GLP2R: variants seen among roughly 807,000 people sequenced by gnomAD.
The protein encoded by GLP2R is glucagon-like peptide 2 receptor.
A neutral mutation model predicts 68.2 loss-of-function variants in GLP2R; 59 were observed. That is an observed-to-expected ratio of 0.87 (90% CI 0.70 to 1.07). The LOEUF is 1.07. Among genes scored for constraint, GLP2R ranks in the 50% least tolerant of loss-of-function variants. GLP2R has a pLI of 0.00. For synonymous variants in GLP2R, 270 were observed against 265.4 expected, an observed-to-expected ratio of 1.02 and a Z score of -0.17; for missense variants, 548 against 677.4, an observed-to-expected ratio of 0.81 and a Z score of 2.12.
intron 9 of GLP2R, among the ~76,000 whole-genome samples, chr17:9,863,960 G>C (rs7220760): frequency 0.25 from 37,448 of 151,988 alleles, 7,098 homozygotes; most frequent in African/African-American, 0.51. Flanking sequence ...TAACCAGGTA[G>C]AACAAAGTAG....
intron 11 of GLP2R, among the ~76,000 whole-genome samples, chr17:9,887,388 C>T (rs1046348070): frequency 3.3e-5 from 5 of 152,104 alleles, no homozygotes; most frequent in African/African-American, 1.2e-4. Context: ...ATTAGTCGGG[C>T]GTGGTGGCGT....
intron 4 of GLP2R, among the ~76,000 whole-genome samples, chr17:9,847,132 C>T (rs1429329561): frequency 6.6e-6 from 1 of 152,194 alleles, no homozygotes; most frequent in Non-Finnish European, 1.5e-5. Flanking sequence ...TCTCCTCATG[C>T]AGATACAACA....
chr17:9,875,741 G>C (rs1015057762), intron 10 of GLP2R, among the ~76,000 whole-genome samples: 1 of 152,216 alleles, frequency 6.6e-6, no homozygotes, highest in East Asian at 1.9e-4. Flanking sequence ...CAGACCGTCA[G>C]CTCAGCTGGA....
chr17:9,854,735 A>T, intron 5 of GLP2R, 134 bp downstream of exon 5: 1 of 671,512 alleles, frequency 1.5e-6, no homozygotes, highest in Non-Finnish European at 2.7e-6. Flanking sequence ...CAAACCAGGG[A>T]TAGAACCAAC....
chr17:9,846,153 G>A (rs73255043), intron 4 of GLP2R, among the ~76,000 whole-genome samples: 2,455 of 152,108 alleles, frequency 0.016, 59 homozygotes, highest in African/African-American at 0.056. Context: ...AATCAAGTAC[G>A]CTTTGATGTA....
chr17:9,845,748 CGTGTGT>C (rs60266643), intron 4 of GLP2R, among the ~76,000 whole-genome samples: 36,972 of 148,352 alleles, frequency 0.25, 6,162 homozygotes, highest in African/African-American at 0.48. Context: ...TGTGTGTGTG[CGTGTGT>C]GTGTGTGTGT....
chr17:9,857,590 C>T lies in GLP2R; in HGVS notation c.765+14C>T, dbSNP rs1330604085. 3 of 1,613,658 alleles carry T rather than the reference C, an allele frequency of 1.9e-6. No homozygotes were observed. Among genetic ancestry groups the T allele is most frequent in the East Asian group, 2.2e-5 (1 of 44,884 alleles). The stretch of plus-strand genomic sequence containing the variant: ...TACCTGTCAGAGGTAATCCCCTTCC[C>T]CACTGTTTACACTGGACTCCCCACC... On this transcript the variant is annotated intron_variant, in intron 6 of 12. Coordinates refer to ENST00000262441, the MANE Select transcript of GLP2R (RefSeq NM_004246.3).
intron 9 of GLP2R, among the ~76,000 whole-genome samples, chr17:9,863,708 G>A (rs576689452): frequency 7.8e-4 from 119 of 152,192 alleles, no homozygotes; most frequent in African/African-American, 2.8e-3. Context: ...GCTCTACCTG[G>A]ATGCTCACCT....
At chr17:9,849,137 A>C (rs995024505) in intron 4 of GLP2R, among the ~76,000 whole-genome samples, 1 of 151,734 alleles carries the variant, frequency 6.6e-6, no homozygotes, top group African/African-American at 2.4e-5. Context: ...CATTGATTAT[A>C]TATGATTTTT....
intron 3 of GLP2R, among the ~76,000 whole-genome samples, chr17:9,838,584 G>A (rs1390816560): frequency 6.6e-6 from 1 of 152,114 alleles, no homozygotes; most frequent in African/African-American, 2.4e-5. Context: ...AAGAGAAAAT[G>A]AAGTGTTCAA....
chr17:9,872,702 C>T (rs947065231), intron 10 of GLP2R, among the ~76,000 whole-genome samples: 4 of 152,134 alleles, frequency 2.6e-5, no homozygotes, highest in Admixed American at 6.5e-5. Context: ...GAGCTGGCCA[C>T]GACCCTAGAC....
At chr17:9,889,197 C>G (rs1206750832) in intron 12 of GLP2R, among the ~76,000 whole-genome samples, 173 bp from the exon 13 acceptor site, 2 of 152,228 alleles carry the variant, frequency 1.3e-5, no homozygotes, top group East Asian at 3.8e-4. Context: ...AGTACTCTCA[C>G]AGTGTCATCA....
intron 9 of GLP2R, among the ~76,000 whole-genome samples, chr17:9,864,761 A>C (rs59339024): frequency 0.25 from 37,568 of 151,808 alleles, 7,199 homozygotes; most frequent in African/African-American, 0.52. Flanking sequence ...GACCTCAAGC[A>C]ATCTACCCAC....
chr17:9,827,785 A>T (rs2066645649), intron 1 of GLP2R, among the ~76,000 whole-genome samples: 1 of 151,840 alleles, frequency 6.6e-6, no homozygotes, highest in South Asian at 2.1e-4. Flanking sequence ...ACGTGGTGAA[A>T]CCCCGTCTGT....
At chr17:9,829,159 A>C (rs2066658330) in intron 1 of GLP2R, among the ~76,000 whole-genome samples, 1 of 152,122 alleles carries the variant, frequency 6.6e-6, no homozygotes, top group African/African-American at 2.4e-5. Context: ...TCAAGCAGGG[A>C]GGTAGTGTTA....
Position 9,833,917 on chromosome 17 carries a change from C to T in GLP2R, c.277+23C>T, listed in dbSNP as rs182896537. 405 of 1,455,134 alleles carry T rather than the reference C, an allele frequency of 2.8e-4. No individual in the cohort carries two copies. The African/African-American group carries it at 4.0e-3, about 14-fold the overall frequency. 90.1% of individuals were successfully genotyped at this position (1,455,134 alleles called of 1,614,324 possible). A position where few individuals can be genotyped will look rare whatever the true frequency, so the allele number is the denominator to read the frequency against. ...CTGGTAAGCATGTGTATTAGTTATC[C>T]GTGGCTGTGTAACAAATTGCCCCAA... On this transcript the variant is annotated intron_variant, in intron 2 of 12. Transcript: ENST00000262441.
intron 10 of GLP2R, among the ~76,000 whole-genome samples, chr17:9,873,523 G>A (rs1210214974): frequency 1.5e-5 from 2 of 133,042 alleles, no homozygotes; most frequent in Admixed American, 7.8e-5. Context: ...TTGCTTATCC[G>A]TTGTGGTGGA....
intron 11 of GLP2R, among the ~76,000 whole-genome samples, chr17:9,881,787 T>C (rs1425329197): frequency 6.6e-6 from 1 of 152,166 alleles, no homozygotes; most frequent in African/African-American, 2.4e-5. Flanking sequence ...AGTAGGGCAC[T>C]GCACAAAGGC....
intron 9 of GLP2R, among the ~76,000 whole-genome samples, chr17:9,863,557 G>T (rs1041373818): frequency 6.6e-6 from 1 of 152,178 alleles, no homozygotes; most frequent in Non-Finnish European, 1.5e-5. Context: ...CTGCCATACT[G>T]AATGCTGCAG....
Sources: gnomAD v4.1 joint callset for allele counts (sites outside exome capture counted in the v4.1 genomes callset) on GRCh38, gnomAD v4.1.1 for gene constraint, MANE v1.5 for transcripts, NCBI Gene and HGNC (gene_info 2026-07-23, HGNC 2026-07-21) for gene names.